Variants in FSTL4 observed in about 807,000 individuals in gnomAD.
FSTL4 encodes follistatin-related protein 4.
FSTL4 carries 28 observed loss-of-function variants against 78.2 expected under a neutral mutation model. The ratio of observed to expected loss-of-function variants is 0.36; its 90% confidence interval spans 0.27 to 0.49. FSTL4 has a LOEUF of 0.49. Among genes scored for constraint, FSTL4 ranks in the 20% least tolerant of loss-of-function variants. The probability of loss-of-function intolerance (pLI) is 0.98; values close to 1 mark genes in which losing one functional copy is unlikely to be tolerated. For missense variants in FSTL4, 922 were observed against 1,084.9 expected (o/e 0.85, Z 2.11); for synonymous variants, 422 against 440.5 (o/e 0.96, Z 0.53).
intron 2 of FSTL4, among the ~76,000 whole-genome samples, chr5:133,594,519 G>A (rs1405406548): frequency 6.6e-6 from 1 of 152,188 alleles, no homozygotes; most frequent in Non-Finnish European, 1.5e-5. Flanking sequence ...CTCTTCAAAT[G>A]CTAATATGAG....
At chr5:133,641,369 T>C in the FSTL4 span, among the ~76,000 whole-genome samples, 7 of 152,356 alleles carry the variant, frequency 4.6e-5, no homozygotes, top group African/African-American at 1.7e-4. Flanking sequence ...CTAGATATTC[T>C]GGAATAATAC....
At chr5:133,604,092 G>C in intron 1 of FSTL4, 99 bp from the exon 2 acceptor site, 1 of 862,064 alleles carries the variant, frequency 1.2e-6, no homozygotes, top group South Asian at 1.6e-5. Flanking sequence ...AGATAAGCCT[G>C]GGTTTAAATC....
chr5:133,818,931 C>CTA, the FSTL4 span, among the ~76,000 whole-genome samples: 331 of 61,784 alleles, frequency 5.4e-3, 79 homozygotes, highest in African/African-American at 0.014. Context: ...TTAGAAGATA[C>CTA]TATATATATA....
chr5:133,794,015 G>A, the FSTL4 span, among the ~76,000 whole-genome samples: 1 of 152,228 alleles, frequency 6.6e-6, no homozygotes, highest in East Asian at 1.9e-4. Flanking sequence ...AAATGAAAAT[G>A]TAGGAGGCTA....
chr5:133,784,391 C>T, the FSTL4 span, among the ~76,000 whole-genome samples: 1 of 152,324 alleles, frequency 6.6e-6, no homozygotes, highest in Non-Finnish European at 1.5e-5. Context: ...AAAGGCCAAG[C>T]AGGGCTGAAA....
the FSTL4 span, among the ~76,000 whole-genome samples, chr5:133,813,704 T>C: frequency 1.3e-5 from 2 of 152,242 alleles, no homozygotes; most frequent in Admixed American, 6.5e-5. Context: ...ATTTGCTGCA[T>C]GTGTAAATAA....
chr5:133,583,535 C>T lies in FSTL4; in HGVS notation c.127-16316G>A, dbSNP rs1293004784. 1.1e-4 allele frequency: 20 copies of T among 175,000 alleles called. 1 individual carries two copies. Among genetic ancestry groups the T allele is most frequent in the Middle Eastern group, 4.7e-3 (2 of 424 alleles). The allele number at this position is 175,000 out of a possible 1,614,324, so 10.8% of individuals were successfully genotyped here. On this transcript the variant is annotated intron_variant, in intron 2 of 15. Coordinates refer to ENST00000265342, the MANE Select transcript of FSTL4 (RefSeq NM_015082.2). ...CTTTCCGAGTCAAAGAAAGGGGTGA[C>T]GGACGCACCTGGAAAATCGGGTCAC...
In FSTL4 at chr5:133,612,472, T is replaced by C. The variant is rs1255460557; in HGVS notation, c.-158A>G. 1 of 151,676 alleles carries C rather than the reference T, an allele frequency of 6.6e-6. No individual in the cohort carries two copies. Among genetic ancestry groups the C allele is most frequent in the East Asian group, 1.9e-4 (1 of 5,152 alleles). 9.4% of individuals were successfully genotyped at this position (151,676 alleles called of 1,614,324 possible). ...CGGGTCCCGGGCTCGCTGGAGGCTG[T>C]TGAGGCTCCAGCTCCCTGAGCCGCC... is the stretch of plus-strand genomic sequence containing the variant. On this transcript the variant is annotated 5_prime_UTR_variant, in exon 1 of 16. Transcript: ENST00000265342. The surrounding 1 kb of genome is among the most constrained non-coding windows in gnomAD (Gnocchi z 6.2).
At chr5:133,289,204 C>A (rs1413202217) in intron 6 of FSTL4, among the ~76,000 whole-genome samples, 2 of 152,164 alleles carry the variant, frequency 1.3e-5, no homozygotes, top group East Asian at 1.9e-4. Flanking sequence ...CCCCAACTGC[C>A]CCGCTATTGA....
At chr5:133,285,928 G>A (rs1753118828) in intron 6 of FSTL4, among the ~76,000 whole-genome samples, 1 of 152,238 alleles carries the variant, frequency 6.6e-6, no homozygotes, top group South Asian at 2.1e-4. Context: ...CCCAGAGCAC[G>A]AAGTCCTAGG....
chr5:133,819,538 T>C, the FSTL4 span, among the ~76,000 whole-genome samples: 1 of 152,176 alleles, frequency 6.6e-6, no homozygotes, highest in South Asian at 2.1e-4. Context: ...CTGTAGGCTA[T>C]AATTTAAGCA....
Position 133,197,413 on chromosome 5 carries a change from CG to C in FSTL4, c.*1681del. 6.6e-6 allele frequency: 1 copy of C among 151,482 alleles called. No homozygotes were observed. Among genetic ancestry groups the C allele is most frequent in the Non-Finnish European group, 1.5e-5 (1 of 68,036 alleles). The allele number at this position is 151,482 out of a possible 1,614,324, so 9.4% of individuals were successfully genotyped here. A position where few individuals can be genotyped will look rare whatever the true frequency, so the allele number is the denominator to read the frequency against. On this transcript the variant is annotated 3_prime_UTR_variant, in exon 16 of 16. Transcript: ENST00000265342. ...CATATCTTTTAAAATAAAAAACAGA[CG>C]TACCTGTCTAGGCGCACCCCTAGGA...
intron 3 of FSTL4, among the ~76,000 whole-genome samples, chr5:133,416,673 G>A (rs1002063741): frequency 7.2e-5 from 11 of 152,190 alleles, no homozygotes; most frequent in Admixed American, 3.9e-4. Context: ...GATGGGATGT[G>A]GGGAGAAGAG....
chr5:133,796,591 C>T, the FSTL4 span, among the ~76,000 whole-genome samples: 2 of 152,178 alleles, frequency 1.3e-5, no homozygotes, highest in South Asian at 2.1e-4. Flanking sequence ...AATCCCTCTC[C>T]GACCACCCCC....
At chr5:133,241,659 C>CTTG (rs1200418246) in intron 7 of FSTL4, among the ~76,000 whole-genome samples, 2 of 152,202 alleles carry the variant, frequency 1.3e-5, no homozygotes, top group Non-Finnish European at 2.9e-5. Context: ...GGCTAATTAG[C>CTTG]TTGGCATCCC....
chr5:133,493,617 A>G (rs769002742), intron 3 of FSTL4, among the ~76,000 whole-genome samples: 20 of 152,130 alleles, frequency 1.3e-4, no homozygotes, highest in Non-Finnish European at 2.4e-4. Flanking sequence ...TGGAGATAAA[A>G]GCCTTTGCCA....
intron 3 of FSTL4, among the ~76,000 whole-genome samples, chr5:133,490,896 T>A (rs1758253050): frequency 6.6e-6 from 1 of 152,220 alleles, no homozygotes; most frequent in African/African-American, 2.4e-5. Flanking sequence ...TATCCAGTTT[T>A]TATTGAGTAT....
chr5:133,362,378 T>C (rs1206045798), intron 4 of FSTL4, among the ~76,000 whole-genome samples: 1 of 152,244 alleles, frequency 6.6e-6, no homozygotes, highest in Non-Finnish European at 1.5e-5. Flanking sequence ...TGGGGTGTTA[T>C]TAAATATTTG....
chr5:133,691,810 A>T, the FSTL4 span, among the ~76,000 whole-genome samples: 2 of 152,196 alleles, frequency 1.3e-5, no homozygotes, highest in Non-Finnish European at 2.9e-5. Context: ...GAACTGTCCC[A>T]GAAGACAAAC....
Sources: gnomAD v4.1 joint callset for allele counts (sites outside exome capture counted in the v4.1 genomes callset) on GRCh38, gnomAD v4.1.1 for gene constraint, Gnocchi (gnomAD v3.1) non-coding constraint, MANE v1.5 for transcripts, NCBI Gene and HGNC (gene_info 2026-07-23, HGNC 2026-07-21) for gene names.